The following CYTH1 variants were observed in gnomAD, a reference collection of about 807,000 sequenced individuals.
The protein encoded by CYTH1 is cytohesin 1.
Under a neutral mutation model 61.8 loss-of-function variants are expected in CYTH1, and 18 were observed. The observed-to-expected ratio is 0.29, with a 90% CI of 0.20 to 0.43. The LOEUF (loss-of-function observed/expected upper bound fraction) is 0.43, where lower values mean the gene tolerates loss of function less well. Ranked by LOEUF, CYTH1 falls within the 20% of genes least tolerant of loss-of-function variation. The pLI, the probability that CYTH1 is intolerant of heterozygous loss-of-function variation, is 1.00. For synonymous variants in CYTH1, 174 were observed against 184.3 expected (o/e 0.94, Z 0.45); for missense variants, 336 against 510.5 (o/e 0.66, Z 3.29).
chr17:78,758,486 C>G (rs2093410581), intron 1 of CYTH1, among the ~76,000 whole-genome samples: 1 of 152,150 alleles, frequency 6.6e-6, no homozygotes, highest in Admixed American at 6.6e-5. Flanking sequence ...AGGCAGATCA[C>G]CCGAGGTCAG....
chr17:78,719,517 C>A (rs1345039049), intron 1 of CYTH1, among the ~76,000 whole-genome samples: 1 of 152,020 alleles, frequency 6.6e-6, no homozygotes, highest in Non-Finnish European at 1.5e-5. Flanking sequence ...GAACTTTTTT[C>A]CCCTCACTGA....
At chr17:78,715,234 G>A (rs575917565) in intron 1 of CYTH1, among the ~76,000 whole-genome samples, 3 of 152,152 alleles carry the variant, frequency 2.0e-5, no homozygotes, top group South Asian at 2.1e-4. Flanking sequence ...GTCAGTATAA[G>A]AGCCCGCACA....
chr17:78,743,270 TC>T (rs1217518305), intron 1 of CYTH1, among the ~76,000 whole-genome samples: 2 of 152,178 alleles, frequency 1.3e-5, no homozygotes, highest in South Asian at 4.1e-4. Flanking sequence ...TAGAGAATTC[TC>T]CCATCATCTC....
At chr17:78,715,826 T>A (rs1249844251) in intron 1 of CYTH1, among the ~76,000 whole-genome samples, 1 of 152,014 alleles carries the variant, frequency 6.6e-6, no homozygotes, top group Non-Finnish European at 1.5e-5. Flanking sequence ...ACTTACAGAA[T>A]CACCCTGTAG....
chr17:78,697,244 G>A (rs1012878787), intron 9 of CYTH1, among the ~76,000 whole-genome samples: 1 of 144,904 alleles, frequency 6.9e-6, no homozygotes, highest in African/African-American at 2.6e-5. Context: ...GTATAGGACG[G>A]AACAGCCCCT....
In CYTH1 at chr17:78,760,370, TATATATATATATATACAC is replaced by T. The variant is rs1406869181; in HGVS notation, c.22+21814_22+21831del. Among the ~76,000 whole-genome samples, 129 of 63,434 alleles carry T rather than the reference TATATATATATATATACAC, an allele frequency of 2.0e-3. 6 individuals carry two copies. The highest frequency in any genetic ancestry group is 2.4e-3 in the Non-Finnish European group (76 of 31,554). 41.6% of individuals were successfully genotyped at this position (63,434 alleles called of 152,430 possible). A position where few individuals can be genotyped will look rare whatever the true frequency, so the allele number is the denominator to read the frequency against. Reference sequence around the variant, plus strand: ...AATAGCAGGTTTATATATATATATATATATATATATATATACACACACATACATATATATATGTGTATA... The same window carrying T: ...AATAGCAGGTTTATATATATATATATACACATACATATATATATGTGTATA... On this transcript the variant is annotated intron_variant, in intron 1 of 13. Coordinates refer to ENST00000446868, the MANE Select transcript of CYTH1 (RefSeq NM_004762.6).
chr17:78,722,608 A>T (rs1325687702), intron 1 of CYTH1, among the ~76,000 whole-genome samples: 1 of 152,064 alleles, frequency 6.6e-6, no homozygotes, highest in Non-Finnish European at 1.5e-5. Flanking sequence ...TCCAAAAGAG[A>T]GGCTTGGTGG....
In CYTH1 at chr17:78,675,147, C is replaced by T. The variant is rs1443919288; in HGVS notation, c.*944G>A. Reference sequence around the variant, plus strand: ...CAAAATGAAACAGGTTATCCGGAACCTCTGTCCCGATAACCTTCCTCACAG... The same window carrying T: ...CAAAATGAAACAGGTTATCCGGAACTTCTGTCCCGATAACCTTCCTCACAG... On this transcript the variant is annotated 3_prime_UTR_variant, in exon 14 of 14. Transcript: ENST00000446868. 3 of 152,238 alleles carry T rather than the reference C, an allele frequency of 2.0e-5. No homozygotes were observed. The highest frequency in any genetic ancestry group is 2.9e-5 in the Non-Finnish European group (2 of 68,050). The allele number at this position is 152,238 out of a possible 1,614,324, so 9.4% of individuals were successfully genotyped here.
rs556520336 is a variant in CYTH1 at position 78,750,513 on chromosome 17, A to C, written c.22+31689T>G. On this transcript the variant is annotated intron_variant, in intron 1 of 13. Coordinates refer to ENST00000446868, the MANE Select transcript of CYTH1 (RefSeq NM_004762.6). ...GCTATTCAAAGTAGTTATTGTTTAA[A>C]AAGTTGTTGCTGTTGCCGGGCACAG... Among the ~76,000 whole-genome samples, 22 of 152,268 alleles carry C rather than the reference A, an allele frequency of 1.4e-4. No homozygotes were observed. The South Asian group carries it at 4.6e-3, about 32-fold the overall frequency.
chr17:78,697,421 T>G (rs1424128820), intron 9 of CYTH1, among the ~76,000 whole-genome samples: 3 of 151,224 alleles, frequency 2.0e-5, no homozygotes, highest in East Asian at 3.9e-4. Context: ...TGGACATGAA[T>G]GTGTATGAAA....
At chr17:78,777,553 T>C (rs1260976399) in intron 1 of CYTH1, among the ~76,000 whole-genome samples, 1 of 152,164 alleles carries the variant, frequency 6.6e-6, no homozygotes, top group Non-Finnish European at 1.5e-5. Context: ...GAAAGCCTTT[T>C]TGTTGGTTTT....
At chr17:78,677,455 C>T in intron 13 of CYTH1, 2 of 196,136 alleles carry the variant, frequency 1.0e-5, no homozygotes, top group Non-Finnish European at 2.1e-5. Flanking sequence ...CTGGAGATGC[C>T]CCACCTCCAC....
chr17:78,770,709 A>C (rs915182347), intron 1 of CYTH1, among the ~76,000 whole-genome samples: 4 of 152,152 alleles, frequency 2.6e-5, no homozygotes, highest in African/African-American at 9.7e-5. Flanking sequence ...CCCGACTGAA[A>C]ATAGGTTTTT....
chr17:78,712,571 G>A lies in CYTH1; in HGVS notation c.23-2839C>T, dbSNP rs543852714. Among the ~76,000 whole-genome samples the A allele has an allele frequency of 5.9e-5, 9 of 152,162 alleles. No homozygotes were observed. In the South Asian group the frequency reaches 1.5e-3, roughly 25 times the overall value. On this transcript the variant is annotated intron_variant, in intron 1 of 13. Coordinates refer to ENST00000446868, the MANE Select transcript of CYTH1 (RefSeq NM_004762.6). ...CTCAGGAGGCTGAGGCAGAAGAATC[G>A]CTTGAAGTTGGGAGGTGAAGGTTGC...
At position 78,715,218 on chromosome 17, in the gene CYTH1, G is replaced by A. The variant is rs542315063; in HGVS notation, c.23-5486C>T. Among the ~76,000 whole-genome samples the A allele has an allele frequency of 3.3e-5, 5 of 152,274 alleles. No homozygotes were observed. The South Asian group carries it at 6.2e-4, about 19-fold the overall frequency. On this transcript the variant is annotated intron_variant, in intron 1 of 13. Transcript: ENST00000446868. ...CAGACCACCCACGAGGGAAGATCTC[G>A]CTGGTGTCAGTATAAGAGCCCGCAC...
rs114089243 is a variant in CYTH1, at chr17:78,675,542, T to C, written c.*549A>G. ...TGCCGCGGGCCCAGGCTGATGCCCC[T>C]TGGCCGCAGCCCCAGGTGCTCTTCT... On this transcript the variant is annotated 3_prime_UTR_variant, in exon 14 of 14. Coordinates refer to ENST00000446868, the MANE Select transcript of CYTH1 (RefSeq NM_004762.6). 0.013 allele frequency: 2,154 copies of C among 165,212 alleles called. 49 individuals are homozygous for C. The highest frequency in any genetic ancestry group is 0.049 in the African/African-American group (2,052 of 42,144). 10.2% of individuals were successfully genotyped at this position (165,212 alleles called of 1,614,324 possible).
At chr17:78,752,158 A>AT (rs2144676486) in intron 1 of CYTH1, among the ~76,000 whole-genome samples, 2 of 152,320 alleles carry the variant, frequency 1.3e-5, no homozygotes, top group South Asian at 4.1e-4. Flanking sequence ...GGACTCCTCC[A>AT]TCTCCCTCTC....
chr17:78,737,369 T>G (rs780179574), intron 1 of CYTH1, among the ~76,000 whole-genome samples: 79 of 152,226 alleles, frequency 5.2e-4, no homozygotes, highest in Admixed American at 1.4e-3. Flanking sequence ...ATGTATTCAG[T>G]ACAGGTGTGA....
intron 1 of CYTH1, among the ~76,000 whole-genome samples, chr17:78,737,900 C>CAT (rs397829028): frequency 2.7e-5 from 4 of 146,810 alleles, no homozygotes; most frequent in South Asian, 2.2e-4. Context: ...CACACACACA[C>CAT]GATATTTTAT....
Sources: allele counts gnomAD v4.1 joint callset (sites outside exome capture counted in the v4.1 genomes callset), GRCh38; gene constraint gnomAD v4.1.1; transcripts MANE v1.5; gene names NCBI Gene and HGNC (gene_info 2026-07-23, HGNC 2026-07-21).